The following SEMA5A variants were observed in gnomAD, a reference collection of about 807,000 sequenced individuals.
The protein encoded by SEMA5A is semaphorin-5A.
In SEMA5A, 55 loss-of-function variants were observed where a neutral mutation model predicts 135.5. The ratio of observed to expected loss-of-function variants is 0.41; its 90% CI spans 0.33 to 0.51. The LOEUF (loss-of-function observed/expected upper bound fraction) is 0.51, where lower values mean the gene tolerates loss of function less well. Ranked by LOEUF, SEMA5A falls within the 20% of genes least tolerant of loss-of-function variation. SEMA5A has a pLI of 0.37. For missense variants in SEMA5A, 1,290 were observed against 1,419.9 expected (o/e 0.91, Z 1.47); for synonymous variants, 580 against 546.5 (o/e 1.06, Z -0.85).
chr5:9,266,727 G>A (rs1749700380), intron 5 of SEMA5A, among the ~76,000 whole-genome samples: 1 of 152,174 alleles, frequency 6.6e-6, no homozygotes, highest in South Asian at 2.1e-4. Context: ...AACTTGTCCA[G>A]CTCAGAAAGC....
intron 11 of SEMA5A, among the ~76,000 whole-genome samples, chr5:9,182,189 G>T (rs572652380): frequency 6.8e-6 from 1 of 147,180 alleles, no homozygotes; most frequent in Non-Finnish European, 1.5e-5. Flanking sequence ...TGAGGACAGG[G>T]TGTCTGTCTG....
rs181415043 is a variant in SEMA5A at position 9,037,542 on chromosome 5, G to C, written c.*5355C>G. 6.6e-4 allele frequency: 101 copies of C among 152,274 alleles called. No individual in the cohort carries two copies. Among genetic ancestry groups the C allele is most frequent in the African/African-American group, 2.2e-3 (93 of 41,554 alleles). The allele number at this position is 152,274 out of a possible 1,614,324, so 9.4% of individuals were successfully genotyped here. On this transcript the variant is annotated 3_prime_UTR_variant, in exon 23 of 23. Transcript: ENST00000382496. ...TCTTTGATCTATCTGCTAAAACAATGTGTACAATGCATCTTTAATATAAGT... is the reference window on the plus strand; with the variant it reads ...TCTTTGATCTATCTGCTAAAACAATCTGTACAATGCATCTTTAATATAAGT...
At chr5:9,507,350 T>G (rs1441342899) in intron 1 of SEMA5A, among the ~76,000 whole-genome samples, 1 of 152,242 alleles carries the variant, frequency 6.6e-6, no homozygotes, top group Non-Finnish European at 1.5e-5. Context: ...ATATGCCATC[T>G]GGTGCAGTAC....
At chr5:9,200,176 G>GAGAT (rs1745627972) in intron 9 of SEMA5A, among the ~76,000 whole-genome samples, 1 of 152,224 alleles carries the variant, frequency 6.6e-6, no homozygotes, top group African/African-American at 2.4e-5. Flanking sequence ...GGAGAAAGGG[G>GAGAT]AGATGTAGCA....
chr5:9,177,664 C>A (rs1439623446), intron 11 of SEMA5A, among the ~76,000 whole-genome samples: 1 of 152,190 alleles, frequency 6.6e-6, no homozygotes, highest in African/African-American at 2.4e-5. Context: ...CAAACTGGGG[C>A]ATCCCAGGAT....
intron 2 of SEMA5A, among the ~76,000 whole-genome samples, chr5:9,432,225 C>T (rs944988623): frequency 9.9e-5 from 15 of 152,176 alleles, no homozygotes; most frequent in African/African-American, 2.9e-4. Flanking sequence ...AGGCTGAGTA[C>T]ACAATCGGAT....
intron 5 of SEMA5A, among the ~76,000 whole-genome samples, chr5:9,307,698 C>A (rs1751936625): frequency 6.6e-6 from 1 of 152,060 alleles, no homozygotes; most frequent in South Asian, 2.1e-4. Context: ...GAACACAGGG[C>A]AGAGAATTCT....
At chr5:9,404,889 T>C (rs926284630) in intron 2 of SEMA5A, among the ~76,000 whole-genome samples, 3 of 152,228 alleles carry the variant, frequency 2.0e-5, no homozygotes, top group African/African-American at 4.8e-5. Context: ...CAACAAGTTA[T>C]GCCCTCCTTT....
chr5:9,422,099 G>A lies in SEMA5A; in HGVS notation c.-78+15657C>T, dbSNP rs576287466. On this transcript the variant is annotated intron_variant, in intron 2 of 22. Transcript: ENST00000382496. ...TACTAAGATAAAACATCCAGTGAAA[G>A]AGGAACTTGGAAAAGATCCAGTACA... 9.2e-5 allele frequency among the ~76,000 whole-genome samples: 14 copies of A among 152,324 alleles called. No homozygotes were observed. In the East Asian group the frequency reaches 2.7e-3, roughly 29 times the overall value.
chr5:9,174,557 C>T (rs186602362), intron 11 of SEMA5A, among the ~76,000 whole-genome samples: 1 of 152,168 alleles, frequency 6.6e-6, no homozygotes, highest in Non-Finnish European at 1.5e-5. Flanking sequence ...CCTTCCATGT[C>T]CTTCAGAATG....
chr5:9,301,212 G>T (rs3777311), intron 5 of SEMA5A, among the ~76,000 whole-genome samples: 21,217 of 152,226 alleles, frequency 0.14, 1,572 homozygotes, highest in South Asian at 0.19. Context: ...TTAAACAGAA[G>T]AAAGTCACAC....
chr5:9,036,193 T>TAAAG lies in SEMA5A; in HGVS notation c.*6700_*6703dup, dbSNP rs1427218148. On this transcript the variant is annotated 3_prime_UTR_variant, in exon 23 of 23. Coordinates refer to ENST00000382496, the MANE Select transcript of SEMA5A (RefSeq NM_003966.3). ...CAGTGGTGAAACTAAGTGCTTGGGT[T>TAAAG]AAAGATTCATACTGTGCTTTGTTTC... is the stretch of plus-strand genomic sequence containing the variant. The TAAAG allele has an allele frequency of 5.3e-5, 8 of 152,322 alleles. No homozygotes were observed. The highest frequency in any genetic ancestry group is 7.4e-5 in the Non-Finnish European group (5 of 68,020). 9.4% of individuals were successfully genotyped at this position (152,322 alleles called of 1,614,324 possible).
rs77986613 is a variant in SEMA5A at position 9,228,666 on chromosome 5, G to T, written c.334-1699C>A. Among the ~76,000 whole-genome samples the T allele has an allele frequency of 2.1e-3, 313 of 152,332 alleles. 5 individuals are homozygous for T. In the East Asian group the frequency reaches 0.051, roughly 25 times the overall value. The stretch of plus-strand genomic sequence containing the variant: ...GGAGGAAGTCACTTCCATAACTCAG[G>T]CTCTTGTCATTTCATGCCTAGACCA... On this transcript the variant is annotated intron_variant, in intron 6 of 22. Transcript: ENST00000382496.
chr5:9,136,997 T>C (rs1184242743), intron 12 of SEMA5A, among the ~76,000 whole-genome samples: 1 of 152,200 alleles, frequency 6.6e-6, no homozygotes, highest in Non-Finnish European at 1.5e-5. Context: ...CTTTACAACA[T>C]GTATTATTTG....
chr5:9,488,786 C>A (rs1011127211), intron 1 of SEMA5A, among the ~76,000 whole-genome samples: 4 of 152,164 alleles, frequency 2.6e-5, no homozygotes, highest in Non-Finnish European at 5.9e-5. Context: ...AGGTCTAGGA[C>A]AAATCCACCA....
chr5:9,327,216 T>C (rs922633489), intron 4 of SEMA5A, among the ~76,000 whole-genome samples: 1 of 152,192 alleles, frequency 6.6e-6, no homozygotes, highest in Non-Finnish European at 1.5e-5. Flanking sequence ...TTTTAAAATA[T>C]GGTGACAAAT....
chr5:9,486,364 C>A (rs962090615), intron 1 of SEMA5A, among the ~76,000 whole-genome samples: 1 of 152,158 alleles, frequency 6.6e-6, no homozygotes, highest in Non-Finnish European at 1.5e-5. Context: ...ATAGGTGCAG[C>A]AAACTGCCAT....
chr5:9,051,949 C>A lies in SEMA5A; in HGVS notation c.2769G>T (p.Leu923=), dbSNP rs143350960. 5.5e-4 allele frequency: 882 copies of A among 1,614,054 alleles called. 2 individuals carry two copies. Among genetic ancestry groups the A allele is most frequent in the Non-Finnish European group, 5.8e-4 (687 of 1,180,034 alleles). ...CGGAGCACTGGCTGCCCATGGGGAA[C>A]AGGAGGATGCACTGGCGGGCGCGGA... The part of the protein sequence containing the change: ...VQVRARQCIL[L]FPMGSQCSGN... The change falls in exon 20 of 23, where the codon CTG becomes CTT. Residue 923 remains leucine (L), a synonymous_variant. Transcript: ENST00000382496.
chr5:9,421,614 T>C (rs1485200974), intron 2 of SEMA5A, among the ~76,000 whole-genome samples: 9 of 152,220 alleles, frequency 5.9e-5, no homozygotes, highest in African/African-American at 2.2e-4. Flanking sequence ...TTTTCCAAAA[T>C]ATGTAAGTAA....
Sources: allele counts gnomAD v4.1 joint callset (sites outside exome capture counted in the v4.1 genomes callset), GRCh38; gene constraint gnomAD v4.1.1; transcripts MANE v1.5; gene names NCBI Gene and HGNC (gene_info 2026-07-23, HGNC 2026-07-21).